FBXW8: variants seen among roughly 807,000 people sequenced by gnomAD.
FBXW8 encodes the protein F-box/WD repeat-containing protein 8.
Under a neutral mutation model 65.3 loss-of-function variants are expected in FBXW8, and 57 were observed. The observed-to-expected ratio is 0.87, with a 90% confidence interval of 0.71 to 1.09. The LOEUF is 1.09. Ranked by LOEUF, FBXW8 falls within the 50% of genes least tolerant of loss-of-function variation. FBXW8 has a pLI of 0.00. For missense variants in FBXW8, 777 were observed against 814.8 expected (o/e 0.95, Z 0.57); for synonymous variants, 308 against 330.2 (o/e 0.93, Z 0.73).
chr12:116,945,844 C>G (rs907900675), intron 3 of FBXW8, among the ~76,000 whole-genome samples: 1 of 152,132 alleles, frequency 6.6e-6, no homozygotes, highest in African/African-American at 2.4e-5. Context: ...TGACTTTCAC[C>G]GACTCTCTGG....
chr12:117,010,318 C>T lies in FBXW8; in HGVS notation c.1240-5C>T, dbSNP rs776577161. ...TGGGCCCACACATTTCTCTTCCTCTCTCAGATCCTGGTGTATAGCCTGGAA... is the reference window on the plus strand; with the variant it reads ...TGGGCCCACACATTTCTCTTCCTCTTTCAGATCCTGGTGTATAGCCTGGAA... On this transcript the variant is annotated splice_region_variant and splice_polypyrimidine_tract_variant and intron_variant, in intron 7 of 10. Transcript: ENST00000652555. The T allele has an allele frequency of 9.9e-6, 16 of 1,614,124 alleles. No individual in the cohort carries two copies. The highest frequency in any genetic ancestry group is 1.4e-5 in the Non-Finnish European group (16 of 1,180,046).
intron 8 of FBXW8, among the ~76,000 whole-genome samples, chr12:117,020,377 C>G (rs572005387): frequency 1.2e-4 from 18 of 152,310 alleles, no homozygotes; most frequent in African/African-American, 3.8e-4. Flanking sequence ...GATTCGTGTG[C>G]ATTGAGTCGG....
intron 7 of FBXW8, among the ~76,000 whole-genome samples, chr12:117,006,465 C>T (rs2135704256): frequency 6.6e-6 from 1 of 152,380 alleles, no homozygotes; most frequent in East Asian, 1.9e-4. Context: ...CACAGTTTGC[C>T]TGGAAAGCCA....
chr12:117,003,925 T>C (rs1953608242), intron 7 of FBXW8, among the ~76,000 whole-genome samples: 1 of 152,210 alleles, frequency 6.6e-6, no homozygotes, highest in Admixed American at 6.5e-5. Context: ...TATTTATTTA[T>C]TTTTATACTG....
intron 1 of FBXW8, among the ~76,000 whole-genome samples, chr12:116,923,682 C>T (rs573556438): frequency 1.9e-4 from 28 of 150,764 alleles, no homozygotes; most frequent in African/African-American, 6.6e-4. Flanking sequence ...TGCCACCACA[C>T]CCGGCTAATT....
chr12:117,021,770 CT>C (rs1395626474), intron 8 of FBXW8, among the ~76,000 whole-genome samples: 1 of 151,918 alleles, frequency 6.6e-6, no homozygotes, highest in Admixed American at 6.6e-5. Context: ...TCATTTTTTC[CT>C]TTTGTCTAAT....
intron 8 of FBXW8, among the ~76,000 whole-genome samples, chr12:117,018,484 C>T (rs1244871799): frequency 6.6e-6 from 1 of 152,198 alleles, no homozygotes; most frequent in Non-Finnish European, 1.5e-5. Flanking sequence ...CCAAGGCGCA[C>T]GGCATTCGGG....
At chr12:117,005,298 CCAAACA>C (rs1191191836) in intron 7 of FBXW8, among the ~76,000 whole-genome samples, 1 of 152,124 alleles carries the variant, frequency 6.6e-6, no homozygotes, top group East Asian at 1.9e-4. Context: ...CAGTGAGCCT[CCAAACA>C]CAAATGCAGG....
intron 5 of FBXW8, among the ~76,000 whole-genome samples, chr12:116,970,638 G>T (rs4767485): frequency 6.6e-6 from 1 of 152,080 alleles, no homozygotes; most frequent in Non-Finnish European, 1.5e-5. Flanking sequence ...TGTTTTGCTT[G>T]TATCTTTTGT....
chr12:116,966,796 C>G (rs1358915223), intron 5 of FBXW8, among the ~76,000 whole-genome samples: 3 of 151,946 alleles, frequency 2.0e-5, no homozygotes, highest in African/African-American at 7.3e-5. Context: ...CTCACTGCAA[C>G]CTCTGCCTCC....
At chr12:117,021,842 A>C (rs1316093187) in intron 8 of FBXW8, among the ~76,000 whole-genome samples, 2 of 152,142 alleles carry the variant, frequency 1.3e-5, no homozygotes, top group African/African-American at 2.4e-5. Flanking sequence ...CACTGTTTCT[A>C]AAGACCACAT....
At chr12:116,987,053 G>A (rs915121027) in intron 6 of FBXW8, 1 of 152,382 alleles carries the variant, frequency 6.6e-6, no homozygotes, top group Non-Finnish European at 1.5e-5. Flanking sequence ...CCCCTGGCCC[G>A]AAGAGCCAAG....
At position 117,026,276 on chromosome 12, in the gene FBXW8, C is replaced by G. The variant is rs373651338; in HGVS notation, c.1542-1118C>G. 1.4e-4 allele frequency among the ~76,000 whole-genome samples: 21 copies of G among 149,152 alleles called. No homozygotes were observed. The East Asian group carries it at 3.3e-3, about 24-fold the overall frequency. ...CCCATGCCAGGTCCACCAACACTTT[C>G]CTTCAGTCCTCCAGGCTGCAGGCCT... On this transcript the variant is annotated intron_variant, in intron 9 of 10. Transcript: ENST00000652555.
intron 1 of FBXW8, among the ~76,000 whole-genome samples, chr12:116,927,580 T>C (rs996667778): frequency 3.9e-5 from 6 of 152,152 alleles, no homozygotes; most frequent in Non-Finnish European, 7.3e-5. Flanking sequence ...CCCTTCCTAG[T>C]TGAGAGTAGT....
intron 8 of FBXW8, among the ~76,000 whole-genome samples, chr12:117,011,449 A>G (rs560043193): frequency 6.6e-6 from 1 of 152,280 alleles, no homozygotes; most frequent in East Asian, 1.9e-4. Flanking sequence ...TTTATTGGGA[A>G]GAAAAATAAG....
chr12:117,024,074 GA>G (rs1954164698), intron 8 of FBXW8, 72 bp from the exon 9 acceptor site: 3 of 1,519,658 alleles, frequency 2.0e-6, no homozygotes, highest in South Asian at 2.4e-5. Context: ...CAGCACCGTG[GA>G]GGGGGAGTTT....
intron 1 of FBXW8, among the ~76,000 whole-genome samples, chr12:116,925,493 A>G (rs938432434): frequency 1.3e-5 from 2 of 152,120 alleles, no homozygotes; most frequent in African/African-American, 4.8e-5. Context: ...GAGTCTACAT[A>G]TTTCTTAAGA....
At chr12:116,925,831 T>C (rs1223384374) in intron 1 of FBXW8, among the ~76,000 whole-genome samples, 1 of 152,244 alleles carries the variant, frequency 6.6e-6, no homozygotes, top group Non-Finnish European at 1.5e-5. Flanking sequence ...AGAGTGGTTA[T>C]ATCTCTTTTA....
intron 1 of FBXW8, among the ~76,000 whole-genome samples, chr12:116,920,983 C>T (rs572423437): frequency 3.9e-5 from 6 of 152,146 alleles, no homozygotes; most frequent in African/African-American, 1.2e-4. Flanking sequence ...CCAGTTTAGA[C>T]TAAAAGGGGG....
Sources: allele counts gnomAD v4.1 joint callset (sites outside exome capture counted in the v4.1 genomes callset), GRCh38; gene constraint gnomAD v4.1.1; transcripts MANE v1.5; gene names NCBI Gene and HGNC (gene_info 2026-07-23, HGNC 2026-07-21).